SUSD4: variants seen among roughly 807,000 people sequenced by gnomAD.
SUSD4 encodes sushi domain containing 4.
Under a neutral mutation model 50.5 loss-of-function variants are expected in SUSD4, and 41 were observed. The ratio of observed to expected loss-of-function variants is 0.81; its 90% CI spans 0.63 to 1.05. The LOEUF (loss-of-function observed/expected upper bound fraction) is 1.05, where lower values mean the gene tolerates loss of function less well. SUSD4 is among the 50% of genes least tolerant of loss of function. SUSD4 has a pLI of 0.00. For synonymous variants in SUSD4, 257 were observed against 257.3 expected (o/e 1.00, Z 0.01); for missense variants, 580 against 634.7 (o/e 0.91, Z 0.93).
chr1:223,224,550 G>A (rs1388785419), intron 7 of SUSD4, among the ~76,000 whole-genome samples: 2 of 152,204 alleles, frequency 1.3e-5, no homozygotes, highest in East Asian at 3.8e-4. Context: ...CCCCGTTCAA[G>A]CTACGCAGGC....
intron 5 of SUSD4, chr1:223,235,156 A>G: frequency 6.6e-7 from 1 of 1,520,164 alleles, no homozygotes; most frequent in Non-Finnish European, 8.8e-7. Flanking sequence ...TCTTGATTGA[A>G]AAAAAAAACC....
chr1:223,319,895 C>T (rs1457243407), intron 2 of SUSD4, among the ~76,000 whole-genome samples: 1 of 152,166 alleles, frequency 6.6e-6, no homozygotes, highest in Non-Finnish European at 1.5e-5. Flanking sequence ...GGCAAGGGCT[C>T]GAAGCCAATC....
At chr1:223,296,410 TG>T (rs1664827040) in intron 2 of SUSD4, among the ~76,000 whole-genome samples, 1 of 151,242 alleles carries the variant, frequency 6.6e-6, no homozygotes, top group Non-Finnish European at 1.5e-5. Flanking sequence ...CAGTGTGGAG[TG>T]TGGTGAATCT....
At chr1:223,258,275 A>T (rs889878283) in intron 5 of SUSD4, among the ~76,000 whole-genome samples, 5 of 152,220 alleles carry the variant, frequency 3.3e-5, no homozygotes, top group African/African-American at 1.2e-4. Context: ...AGCCCTCCAC[A>T]TCCAAGCTGG....
intron 2 of SUSD4, among the ~76,000 whole-genome samples, chr1:223,322,305 G>A (rs825114): frequency 0.15 from 22,756 of 152,128 alleles, 2,003 homozygotes; most frequent in South Asian, 0.23. Context: ...AAAATTAAAA[G>A]GTAAATTGTT....
intron 2 of SUSD4, among the ~76,000 whole-genome samples, chr1:223,307,818 G>A (rs1343973423): frequency 6.6e-6 from 1 of 152,106 alleles, no homozygotes; most frequent in African/African-American, 2.4e-5. Flanking sequence ...TTTTGTTGTT[G>A]TTGTCGTACT....
intron 2 of SUSD4, among the ~76,000 whole-genome samples, chr1:223,335,034 T>C (rs917398926): frequency 6.6e-6 from 1 of 152,220 alleles, no homozygotes; most frequent in African/African-American, 2.4e-5. Flanking sequence ...TCCAGGTTGC[T>C]GCAAATGCCA....
intron 5 of SUSD4, among the ~76,000 whole-genome samples, chr1:223,262,378 G>A (rs754275547): frequency 6.6e-6 from 1 of 152,126 alleles, no homozygotes. Context: ...TGTGCAAATC[G>A]TGTGCTTAGG....
chr1:223,226,412 T>G (rs942900416), intron 7 of SUSD4, among the ~76,000 whole-genome samples: 4 of 152,174 alleles, frequency 2.6e-5, no homozygotes, highest in Admixed American at 2.6e-4. Context: ...GAAAGAGGGA[T>G]GCACCTATCA....
chr1:223,232,748 G>A (rs936012324), intron 5 of SUSD4, among the ~76,000 whole-genome samples: 6 of 152,088 alleles, frequency 3.9e-5, no homozygotes, highest in African/African-American at 9.7e-5. Flanking sequence ...TGGCATATAG[G>A]GCCGTGGGCT....
At chr1:223,347,061 A>G (rs1164609122) in intron 2 of SUSD4, among the ~76,000 whole-genome samples, 1 of 152,118 alleles carries the variant, frequency 6.6e-6, no homozygotes, top group Non-Finnish European at 1.5e-5. Flanking sequence ...TCTTTTTTAA[A>G]AAATGCTTTT....
intron 5 of SUSD4, among the ~76,000 whole-genome samples, chr1:223,230,291 T>C (rs547656815): frequency 5.1e-4 from 78 of 152,092 alleles, no homozygotes; most frequent in Non-Finnish European, 9.6e-4. Context: ...AAATAAACAG[T>C]GCTGCTGCTT....
chr1:223,234,864 T>TTTCCTTG, intron 5 of SUSD4: 2 of 1,449,772 alleles, frequency 1.4e-6, no homozygotes, highest in Non-Finnish European at 1.8e-6. Context: ...CTTGATGCAC[T>TTTCCTTG]AACAGGTGTG....
At chr1:223,324,888 T>C (rs1666784127) in intron 2 of SUSD4, among the ~76,000 whole-genome samples, 1 of 152,046 alleles carries the variant, frequency 6.6e-6, no homozygotes, top group East Asian at 1.9e-4. Context: ...GGGTCTTTAT[T>C]TGTAAACACG....
At chr1:223,239,394 G>A (rs559993005) in intron 5 of SUSD4, among the ~76,000 whole-genome samples, 5 of 152,002 alleles carry the variant, frequency 3.3e-5, no homozygotes, top group Admixed American at 6.5e-5. Flanking sequence ...TTTTTGTTTG[G>A]TGCCTTTGTT....
At chr1:223,287,144 C>T (rs1664198185) in intron 3 of SUSD4, among the ~76,000 whole-genome samples, 1 of 152,202 alleles carries the variant, frequency 6.6e-6, no homozygotes, top group South Asian at 2.1e-4. Context: ...GGCACGATAT[C>T]GGTTCACTGC....
At chr1:223,341,066 G>A (rs11488548) in intron 2 of SUSD4, among the ~76,000 whole-genome samples, 22,650 of 152,160 alleles carry the variant, frequency 0.15, 3,024 homozygotes, top group African/African-American at 0.35. Context: ...AACAGATACT[G>A]TAATAATCTG....
intron 7 of SUSD4, 56 bp from the exon 8 acceptor site, chr1:223,223,687 G>T: frequency 6.5e-7 from 1 of 1,529,144 alleles, no homozygotes; most frequent in Non-Finnish European, 8.8e-7. Flanking sequence ...TGGGGATGAG[G>T]CCACCCATAC....
At chr1:223,282,350 A>T (rs113731976) in intron 3 of SUSD4, among the ~76,000 whole-genome samples, 1 of 152,218 alleles carries the variant, frequency 6.6e-6, no homozygotes, top group Admixed American at 6.5e-5. Flanking sequence ...CCATCGTCTC[A>T]GCCCAAAATC....
Sources: gnomAD v4.1 joint callset for allele counts (sites outside exome capture counted in the v4.1 genomes callset) on GRCh38, gnomAD v4.1.1 for gene constraint, MANE v1.5 for transcripts, NCBI Gene and HGNC (gene_info 2026-07-23, HGNC 2026-07-21) for gene names.